SOX5: variants seen among roughly 807,000 people sequenced by gnomAD.
SOX5 encodes SRY-box transcription factor 5.
A neutral mutation model predicts 92.0 loss-of-function variants in SOX5; 9 were observed. The ratio of observed to expected loss-of-function variants is 0.10; its 90% CI spans 0.06 to 0.17. The LOEUF is 0.17. Ranked by LOEUF, SOX5 falls within the 10% of genes least tolerant of loss-of-function variation. The pLI is 1.00. For synonymous variants in SOX5, 344 were observed against 336.3 expected, an observed-to-expected ratio of 1.02 and a Z score of -0.25; for missense variants, 642 against 944.5, an observed-to-expected ratio of 0.68 and a Z score of 4.20.
At chr12:23,777,096 C>G (rs534250442) in intron 3 of SOX5, among the ~76,000 whole-genome samples, 24 of 152,174 alleles carry the variant, frequency 1.6e-4, no homozygotes, top group Non-Finnish European at 3.4e-4. Flanking sequence ...GTCAGACACA[C>G]AACAAACATT....
At chr12:24,217,764 T>C (rs528740703) in intron 3 of SOX5, among the ~76,000 whole-genome samples, 1 of 152,232 alleles carries the variant, frequency 6.6e-6, no homozygotes, top group South Asian at 2.1e-4. Flanking sequence ...CTGACTTACA[T>C]CCACAATGTA....
intron 2 of SOX5, among the ~76,000 whole-genome samples, chr12:23,848,620 C>A (rs2096599517): frequency 6.6e-6 from 1 of 152,114 alleles, no homozygotes; most frequent in African/African-American, 2.4e-5. Context: ...TCAAGGAAAT[C>A]CTATCTTTTT....
intron 3 of SOX5, among the ~76,000 whole-genome samples, chr12:24,263,150 G>A (rs146125746): frequency 0.016 from 2,504 of 152,062 alleles, 47 homozygotes; most frequent in African/African-American, 0.051. Context: ...TGCTTGAACC[G>A]GGAGGCAGAG....
intron 2 of SOX5, among the ~76,000 whole-genome samples, chr12:23,865,405 G>A (rs2096799804): frequency 6.6e-6 from 1 of 152,184 alleles, no homozygotes; most frequent in South Asian, 2.1e-4. Context: ...GCCAAGCACG[G>A]TGGCCCATGC....
rs139740218 is a variant in SOX5, at chr12:23,555,015, C to A, written c.1488+8243G>T. Among the ~76,000 whole-genome samples, 22 of 152,132 alleles carry A rather than the reference C, an allele frequency of 1.4e-4. No homozygotes were observed. In the East Asian group the frequency reaches 4.3e-3, roughly 29 times the overall value. Reference sequence around the variant, plus strand: ...TGATAGGCTAGGCTTTTATAAAGAGCAGTTCTGGCCCAACAACAAAAGTGA... The same window carrying A: ...TGATAGGCTAGGCTTTTATAAAGAGAAGTTCTGGCCCAACAACAAAAGTGA... On this transcript the variant is annotated intron_variant, in intron 11 of 14. Coordinates refer to ENST00000451604, the MANE Select transcript of SOX5 (RefSeq NM_006940.6).
At chr12:24,491,197 G>T (rs969384299) in intron 1 of SOX5, among the ~76,000 whole-genome samples, 2 of 152,032 alleles carry the variant, frequency 1.3e-5, no homozygotes, top group African/African-American at 4.8e-5. Context: ...TTGTATGGTG[G>T]GTTCTGTGAT....
intron 2 of SOX5, among the ~76,000 whole-genome samples, chr12:23,879,330 GAA>G (rs55920077): frequency 9.8e-4 from 148 of 151,470 alleles, no homozygotes; most frequent in Admixed American, 1.2e-3. Context: ...CTAATCTGAT[GAA>G]AAAAAAACTA....
At chr12:23,609,696 T>C (rs1052033893) in intron 8 of SOX5, among the ~76,000 whole-genome samples, 4 of 107,992 alleles carry the variant, frequency 3.7e-5, no homozygotes, top group Non-Finnish European at 5.7e-5. Flanking sequence ...CTTTCTTTCC[T>C]TCTTGACAAA....
At chr12:23,622,874 G>A (rs1244878885) in intron 8 of SOX5, among the ~76,000 whole-genome samples, 1 of 152,008 alleles carries the variant, frequency 6.6e-6, no homozygotes, top group African/African-American at 2.4e-5. Flanking sequence ...CTCATCTATA[G>A]TCTATTATTT....
chr12:24,176,700 G>T (rs982223826), intron 4 of SOX5, among the ~76,000 whole-genome samples: 1 of 152,172 alleles, frequency 6.6e-6, no homozygotes, highest in East Asian at 1.9e-4. Flanking sequence ...GTCTGCTCCT[G>T]TTCCTGGTAT....
At chr12:24,326,925 C>A (rs922245893) in intron 2 of SOX5, among the ~76,000 whole-genome samples, 5 of 152,022 alleles carry the variant, frequency 3.3e-5, no homozygotes, top group Admixed American at 3.3e-4. Flanking sequence ...ATCTGTCTTC[C>A]CCTCTTAGAG....
At chr12:24,361,498 A>G (rs1051839015) in intron 2 of SOX5, among the ~76,000 whole-genome samples, 16 of 152,302 alleles carry the variant, frequency 1.1e-4, no homozygotes, top group African/African-American at 3.8e-4. Flanking sequence ...TAATACAAGC[A>G]AAGCCCAAGA....
chr12:24,149,483 G>A (rs895777065), intron 4 of SOX5, among the ~76,000 whole-genome samples: 22 of 152,046 alleles, frequency 1.4e-4, no homozygotes, highest in Non-Finnish European at 2.1e-4. Flanking sequence ...TTAGGTAAAC[G>A]TAAATTAAAA....
intron 4 of SOX5, among the ~76,000 whole-genome samples, chr12:24,008,384 G>T (rs1952551963): frequency 6.6e-6 from 1 of 152,108 alleles, no homozygotes. Flanking sequence ...TGTAAATGAA[G>T]ACACTCAAGA....
At chr12:24,469,744 A>C (rs950138851) in intron 1 of SOX5, among the ~76,000 whole-genome samples, 3 of 152,204 alleles carry the variant, frequency 2.0e-5, no homozygotes, top group Admixed American at 1.3e-4. Context: ...ACTAAGCTTT[A>C]AATTACCATA....
chr12:23,737,364 C>A (rs1567346321), intron 5 of SOX5, among the ~76,000 whole-genome samples: 1 of 151,964 alleles, frequency 6.6e-6, no homozygotes, highest in Non-Finnish European at 1.5e-5. Flanking sequence ...CATAGTGAAA[C>A]CCCGTCTCTA....
chr12:24,284,994 G>A (rs502034), intron 2 of SOX5, among the ~76,000 whole-genome samples: 71,686 of 151,732 alleles, frequency 0.47, 18,690 homozygotes, highest in East Asian at 0.79. Flanking sequence ...GCGTGGTGGC[G>A]GGCACCTATA....
chr12:23,545,821 G>A (rs1004627402), intron 12 of SOX5, among the ~76,000 whole-genome samples: 4 of 151,590 alleles, frequency 2.6e-5, no homozygotes, highest in African/African-American at 9.7e-5. Context: ...AGGATCACTT[G>A]AGCCCAGGAG....
intron 3 of SOX5, among the ~76,000 whole-genome samples, chr12:23,798,241 G>A (rs1410231796): frequency 6.6e-6 from 1 of 151,740 alleles, no homozygotes; most frequent in Non-Finnish European, 1.5e-5. Context: ...TCTGTACCTA[G>A]AACACTGACT....
Sources: allele counts gnomAD v4.1 joint callset (sites outside exome capture counted in the v4.1 genomes callset), GRCh38; gene constraint gnomAD v4.1.1; transcripts MANE v1.5; gene names NCBI Gene and HGNC (gene_info 2026-07-23, HGNC 2026-07-21).